EDIL3: variants seen among roughly 807,000 people sequenced by gnomAD.
EDIL3 encodes the protein EGF-like repeat and discoidin I-like domain-containing protein 3.
EDIL3 carries 37 observed loss-of-function variants against 67.4 expected under a neutral mutation model. That is an observed-to-expected ratio of 0.55 (90% confidence interval 0.42 to 0.72). The LOEUF (loss-of-function observed/expected upper bound fraction) is 0.72, where lower values mean the gene tolerates loss of function less well. Among genes scored for constraint, EDIL3 ranks in the 30% least tolerant of loss-of-function variants. EDIL3 has a pLI of 0.00. For synonymous variants in EDIL3, 195 were observed against 196.3 expected (o/e 0.99, Z 0.05); for missense variants, 527 against 586.3 (o/e 0.90, Z 1.04).
At chr5:84,131,780 C>T (rs1467433460) in intron 5 of EDIL3, among the ~76,000 whole-genome samples, 1 of 152,030 alleles carries the variant, frequency 6.6e-6, no homozygotes, top group East Asian at 1.9e-4. Context: ...ATTTGCCTGT[C>T]ATTATTTATA....
chr5:83,992,173 A>G (rs1745161948), intron 9 of EDIL3, among the ~76,000 whole-genome samples: 1 of 152,178 alleles, frequency 6.6e-6, no homozygotes, highest in African/African-American at 2.4e-5. Flanking sequence ...TTCCAGGTGG[A>G]ATTCCCACAA....
chr5:84,175,388 A>G (rs569716150), intron 4 of EDIL3, among the ~76,000 whole-genome samples: 20 of 152,332 alleles, frequency 1.3e-4, no homozygotes, highest in South Asian at 1.2e-3. Context: ...GGAAGGGAAA[A>G]AAATAAAGAC....
intron 9 of EDIL3, among the ~76,000 whole-genome samples, chr5:84,023,488 T>A (rs952452455): frequency 2.6e-5 from 4 of 152,092 alleles, no homozygotes; most frequent in African/African-American, 9.6e-5. Context: ...TAATGTATTA[T>A]AGCAACTTGT....
At chr5:84,157,875 G>A (rs143783320) in intron 4 of EDIL3, among the ~76,000 whole-genome samples, 99 of 152,146 alleles carry the variant, frequency 6.5e-4, no homozygotes, top group East Asian at 2.1e-3. Context: ...ATATTTGGAA[G>A]AAAGAAAATA....
At chr5:84,255,706 T>C (rs750898172) in intron 1 of EDIL3, among the ~76,000 whole-genome samples, 35 of 152,154 alleles carry the variant, frequency 2.3e-4, no homozygotes, top group Admixed American at 5.2e-4. Context: ...AAAATGAAAA[T>C]TCAGGTTATG....
At chr5:84,109,714 C>A (rs1002542841) in intron 5 of EDIL3, among the ~76,000 whole-genome samples, 7 of 152,032 alleles carry the variant, frequency 4.6e-5, no homozygotes, top group Non-Finnish European at 8.8e-5. Flanking sequence ...AAATACCCCC[C>A]AAAAACCAAT....
At chr5:84,155,847 A>G (rs531505509) in intron 4 of EDIL3, among the ~76,000 whole-genome samples, 1 of 152,126 alleles carries the variant, frequency 6.6e-6, no homozygotes, top group South Asian at 2.1e-4. Flanking sequence ...TCATTTATTT[A>G]TGTGTTCATT....
At chr5:84,239,511 C>T (rs1744754242) in intron 2 of EDIL3, among the ~76,000 whole-genome samples, 1 of 151,956 alleles carries the variant, frequency 6.6e-6, no homozygotes, top group African/African-American at 2.4e-5. Flanking sequence ...CATATGTATA[C>T]ATGTGCCAGC....
intron 1 of EDIL3, among the ~76,000 whole-genome samples, chr5:84,300,195 C>A (rs1470150739): frequency 6.6e-6 from 1 of 152,164 alleles, no homozygotes; most frequent in Non-Finnish European, 1.5e-5. Flanking sequence ...CTAGAGGCTG[C>A]CTGCATTTCT....
chr5:84,348,608 A>C (rs1006026584), intron 1 of EDIL3, among the ~76,000 whole-genome samples: 4 of 140,314 alleles, frequency 2.9e-5, no homozygotes, highest in Non-Finnish European at 4.7e-5. Flanking sequence ...AAAAAAAAAA[A>C]CACCTGTTCG....
intron 5 of EDIL3, among the ~76,000 whole-genome samples, chr5:84,113,837 C>A (rs540495345): frequency 2.1e-4 from 32 of 152,312 alleles, no homozygotes; most frequent in African/African-American, 7.5e-4. Flanking sequence ...CTCCTTTAAA[C>A]ATCTCCAGTC....
At chr5:84,050,672 C>T (rs4616872) in intron 9 of EDIL3, among the ~76,000 whole-genome samples, 46,793 of 152,040 alleles carry the variant, frequency 0.31, 7,337 homozygotes, top group African/African-American at 0.36. Flanking sequence ...TTATATCCTG[C>T]GCCTGGCTCA....
chr5:84,347,956 T>G (rs1747267726), intron 1 of EDIL3, among the ~76,000 whole-genome samples: 1 of 152,222 alleles, frequency 6.6e-6, no homozygotes, highest in Non-Finnish European at 1.5e-5. Flanking sequence ...TGTTGCTGTT[T>G]CATTCAGTTT....
At chr5:84,048,547 T>TA (rs1277748012) in intron 9 of EDIL3, among the ~76,000 whole-genome samples, 1 of 152,044 alleles carries the variant, frequency 6.6e-6, no homozygotes, top group African/African-American at 2.4e-5. Flanking sequence ...GTTGAAATAC[T>TA]ATGCAGACTA....
intron 4 of EDIL3, among the ~76,000 whole-genome samples, chr5:84,171,635 C>T (rs539675333): frequency 2.6e-5 from 4 of 152,254 alleles, no homozygotes; most frequent in South Asian, 2.1e-4. Flanking sequence ...TAAGGTTGTG[C>T]GATTACACAT....
intron 9 of EDIL3, among the ~76,000 whole-genome samples, chr5:84,012,174 G>A (rs1459317286): frequency 6.6e-6 from 1 of 152,172 alleles, no homozygotes; most frequent in Non-Finnish European, 1.5e-5. Context: ...ATGATAGATG[G>A]TGAAAAGAAG....
At chr5:84,329,273 A>C (rs1463063534) in intron 1 of EDIL3, among the ~76,000 whole-genome samples, 1 of 152,126 alleles carries the variant, frequency 6.6e-6, no homozygotes, top group Non-Finnish European at 1.5e-5. Context: ...CACAAGGAAG[A>C]CTGGAAAACA....
intron 1 of EDIL3, among the ~76,000 whole-genome samples, chr5:84,282,280 AT>A (rs1160956681): frequency 3.9e-5 from 6 of 152,096 alleles, no homozygotes; most frequent in African/African-American, 1.2e-4. Context: ...CACTAATACA[AT>A]TTTTATATTT....
intron 6 of EDIL3, among the ~76,000 whole-genome samples, chr5:84,069,826 C>T (rs999035303): frequency 1.2e-4 from 19 of 152,098 alleles, no homozygotes; most frequent in African/African-American, 3.9e-4. Flanking sequence ...GCACCTGTCC[C>T]GCCACACCCC....
Sources: allele counts gnomAD v4.1 joint callset (sites outside exome capture counted in the v4.1 genomes callset), GRCh38; gene constraint gnomAD v4.1.1; transcripts MANE v1.5; gene names NCBI Gene and HGNC (gene_info 2026-07-23, HGNC 2026-07-21).